Variants in DPP10 observed in about 807,000 individuals in gnomAD.
DPP10 encodes the protein inactive dipeptidyl peptidase 10.
DPP10 carries 33 observed loss-of-function variants against 120.9 expected under a neutral mutation model. That is an observed-to-expected ratio of 0.27 (90% CI 0.21 to 0.37). The LOEUF (loss-of-function observed/expected upper bound fraction) is 0.37. Ranked by LOEUF, DPP10 falls within the 10% of genes least tolerant of loss-of-function variation. DPP10 has a pLI of 1.00. For missense variants in DPP10, 816 were observed against 942.8 expected (o/e 0.87, Z 1.76); for synonymous variants, 337 against 326.1 (o/e 1.03, Z -0.36).
chr2:114,868,778 C>A (rs943582594), intron 1 of DPP10, among the ~76,000 whole-genome samples: 15 of 152,072 alleles, frequency 9.9e-5, no homozygotes, highest in African/African-American at 3.1e-4. Context: ...AAAAACAATT[C>A]TTTTTAGGAA....
chr2:115,788,604 A>T (rs1480456858), intron 17 of DPP10, among the ~76,000 whole-genome samples: 1 of 152,226 alleles, frequency 6.6e-6, no homozygotes, highest in African/African-American at 2.4e-5. Flanking sequence ...GTGGAACATT[A>T]TACGTAATTT....
At chr2:115,152,453 G>A (rs1370730704) in intron 1 of DPP10, among the ~76,000 whole-genome samples, 1 of 152,112 alleles carries the variant, frequency 6.6e-6, no homozygotes, top group Non-Finnish European at 1.5e-5. Context: ...GTTTTCTGTT[G>A]CTCATTTTTG....
chr2:115,482,883 C>T (rs1297730876), intron 3 of DPP10, among the ~76,000 whole-genome samples: 2 of 151,882 alleles, frequency 1.3e-5, no homozygotes, highest in Non-Finnish European at 2.9e-5. Context: ...TGGGATTTTA[C>T]TCTATTCTTG....
intron 7 of DPP10, among the ~76,000 whole-genome samples, chr2:115,692,460 G>T (rs1012225407): frequency 4.6e-5 from 7 of 151,820 alleles, no homozygotes; most frequent in African/African-American, 1.7e-4. Context: ...TATATAATTT[G>T]AACTATGTTG....
intron 1 of DPP10, among the ~76,000 whole-genome samples, chr2:114,487,597 A>T (rs1681623162): frequency 6.6e-6 from 1 of 152,184 alleles, no homozygotes; most frequent in Admixed American, 6.5e-5. Context: ...ATAAAATGTG[A>T]TTTTAAATTT....
intron 5 of DPP10, among the ~76,000 whole-genome samples, chr2:115,604,109 G>A (rs1173172953): frequency 4.0e-5 from 6 of 149,110 alleles, no homozygotes; most frequent in Non-Finnish European, 1.5e-5. Flanking sequence ...TTTTTTTTAA[G>A]ATGGTAGCTT....
At chr2:115,811,105 T>A (rs1223547114) in intron 19 of DPP10, among the ~76,000 whole-genome samples, 1 of 152,242 alleles carries the variant, frequency 6.6e-6, no homozygotes, top group Non-Finnish European at 1.5e-5. Context: ...TCCCTCATTT[T>A]CCTGCACATG....
intron 1 of DPP10, among the ~76,000 whole-genome samples, chr2:114,657,812 C>A (rs867675572): frequency 1.5e-4 from 23 of 152,116 alleles, no homozygotes; most frequent in African/African-American, 5.3e-4. Flanking sequence ...CTTAATAATT[C>A]ATGCATTTAT....
intron 1 of DPP10, among the ~76,000 whole-genome samples, chr2:114,574,011 G>C (rs1250300933): frequency 1.3e-5 from 2 of 152,082 alleles, no homozygotes; most frequent in Non-Finnish European, 2.9e-5. Flanking sequence ...TACCAAGAGA[G>C]GCTCAAGCAG....
At chr2:114,747,208 G>A (rs948661462) in intron 1 of DPP10, among the ~76,000 whole-genome samples, 2 of 152,138 alleles carry the variant, frequency 1.3e-5, no homozygotes, top group East Asian at 1.9e-4. Context: ...CACACACACA[G>A]TATTATTCCT....
chr2:115,537,007 C>T (rs535694618), intron 5 of DPP10, among the ~76,000 whole-genome samples: 2 of 152,146 alleles, frequency 1.3e-5, no homozygotes, highest in South Asian at 2.1e-4. Flanking sequence ...TGTTACTACA[C>T]AAGACAGTCC....
intron 1 of DPP10, among the ~76,000 whole-genome samples, chr2:114,793,743 C>T (rs1683449172): frequency 6.6e-6 from 1 of 152,122 alleles, no homozygotes; most frequent in Non-Finnish European, 1.5e-5. Context: ...CCCTAAAATA[C>T]CCTTGATGCA....
chr2:114,909,261 A>G (rs1280157574), intron 1 of DPP10, among the ~76,000 whole-genome samples: 1 of 151,994 alleles, frequency 6.6e-6, no homozygotes, highest in Non-Finnish European at 1.5e-5. Context: ...AATAGTACCT[A>G]TTGCATTTCT....
intron 1 of DPP10, among the ~76,000 whole-genome samples, chr2:114,881,251 G>T (rs1012988732): frequency 6.6e-6 from 1 of 151,980 alleles, no homozygotes; most frequent in Non-Finnish European, 1.5e-5. Flanking sequence ...CCATTGGCTG[G>T]GGCAATGGGA....
At position 115,162,373 on chromosome 2, in the gene DPP10, C is replaced by T. The variant is rs1318705727; in HGVS notation, c.61-146866C>T. The T allele has an allele frequency of 5.2e-6, 7 of 1,358,166 alleles. No homozygotes were observed. The Admixed American group carries it at 9.7e-5, about 19-fold the overall frequency. 84.1% of individuals were successfully genotyped at this position (1,358,166 alleles called of 1,614,324 possible). A position where few individuals can be genotyped will look rare whatever the true frequency, so the allele number is the denominator to read the frequency against. On this transcript the variant is annotated intron_variant, in intron 1 of 25. Coordinates refer to ENST00000410059, the MANE Select transcript of DPP10 (RefSeq NM_020868.6). ...ATGGGGCCTCTTGGTTCCCCATTAA[C>T]GCACGCTGAAGAAATCTGCTGCGCT...
At chr2:114,972,961 A>G (rs755557863) in intron 1 of DPP10, among the ~76,000 whole-genome samples, 1 of 152,190 alleles carries the variant, frequency 6.6e-6, no homozygotes, top group Non-Finnish European at 1.5e-5. Flanking sequence ...TCCAGAACAC[A>G]GTCAGGCTTT....
chr2:114,882,805 C>T (rs984034008), intron 1 of DPP10, among the ~76,000 whole-genome samples: 3 of 151,578 alleles, frequency 2.0e-5, no homozygotes, highest in Non-Finnish European at 2.9e-5. Flanking sequence ...TATAATGAAG[C>T]CAAGACTAGG....
chr2:115,828,229 G>A (rs1688576470), intron 21 of DPP10, among the ~76,000 whole-genome samples: 1 of 151,782 alleles, frequency 6.6e-6, no homozygotes, highest in Non-Finnish European at 1.5e-5. Context: ...TTTTCAATAA[G>A]AATATGCCAT....
At chr2:114,761,603 C>T (rs1164384841) in intron 1 of DPP10, among the ~76,000 whole-genome samples, 1 of 152,160 alleles carries the variant, frequency 6.6e-6, no homozygotes, top group Admixed American at 6.5e-5. Flanking sequence ...CCTTTGGGTC[C>T]TCTGCATATC....
Sources: allele counts gnomAD v4.1 joint callset (sites outside exome capture counted in the v4.1 genomes callset), GRCh38; gene constraint gnomAD v4.1.1; transcripts MANE v1.5; gene names NCBI Gene and HGNC (gene_info 2026-07-23, HGNC 2026-07-21).